The following UACA variants were observed in gnomAD, a reference collection of about 807,000 sequenced individuals.
UACA encodes uveal autoantigen with coiled-coil domains and ankyrin repeats.
Under a neutral mutation model 160.5 loss-of-function variants are expected in UACA, and 112 were observed. The observed-to-expected ratio is 0.70, with a 90% confidence interval of 0.60 to 0.82. The LOEUF (loss-of-function observed/expected upper bound fraction) is 0.82. UACA is among the 40% of genes least tolerant of loss of function. The pLI, the probability that UACA is intolerant of heterozygous loss-of-function variation, is 0.00. For missense variants in UACA, 1,574 were observed against 1,614.6 expected (o/e 0.97, Z 0.43); for synonymous variants, 557 against 568.4 (o/e 0.98, Z 0.29).
chr15:70,660,256 T>G (rs779355863), intron 17 of UACA, 40 bp from the exon 18 acceptor site: 1 of 1,564,948 alleles, frequency 6.4e-7, no homozygotes, highest in Non-Finnish European at 8.8e-7. Flanking sequence ...ACTATCAGCG[T>G]TCACATTTCC....
chr15:70,721,292 T>G (rs1898983796), intron 1 of UACA, among the ~76,000 whole-genome samples: 6 of 152,038 alleles, frequency 3.9e-5, no homozygotes, highest in Admixed American at 3.9e-4. Flanking sequence ...GATAAATCAG[T>G]TCAGTTTGGT....
chr15:70,692,536 C>T (rs80161694), intron 3 of UACA, among the ~76,000 whole-genome samples: 2,356 of 152,244 alleles, frequency 0.015, 62 homozygotes, highest in African/African-American at 0.053. Flanking sequence ...TTTGAGAGGC[C>T]TAGGCAGGTG....
chr15:70,747,311 T>C (rs1159165905), intron 1 of UACA, among the ~76,000 whole-genome samples: 2 of 150,380 alleles, frequency 1.3e-5, no homozygotes, highest in African/African-American at 4.9e-5. Flanking sequence ...TGGCGTTATC[T>C]TGGCTCACTA....
intron 16 of UACA, among the ~76,000 whole-genome samples, chr15:70,665,323 C>T (rs1054843206): frequency 6.6e-6 from 1 of 152,122 alleles, no homozygotes; most frequent in African/African-American, 2.4e-5. Flanking sequence ...TAGGAAGTGC[C>T]TAGAAACATA....
At chr15:70,705,743 A>C (rs1381847092) in intron 1 of UACA, among the ~76,000 whole-genome samples, 1 of 152,082 alleles carries the variant, frequency 6.6e-6, no homozygotes, top group Non-Finnish European at 1.5e-5. Flanking sequence ...TTAACCTATA[A>C]ATTAAAAGTG....
chr15:70,767,070 C>T (rs1406457435), upstream of UACA, among the ~76,000 whole-genome samples: 5 of 151,526 alleles, frequency 3.3e-5, no homozygotes, highest in South Asian at 8.3e-4. Context: ...GAAACCCCGT[C>T]TCCACTAAAA....
chr15:70,740,300 T>C (rs1899489641), intron 1 of UACA, among the ~76,000 whole-genome samples: 1 of 152,146 alleles, frequency 6.6e-6, no homozygotes. Context: ...TAAAGTCATA[T>C]ATACAAGAAC....
At chr15:70,690,572 G>A in intron 4 of UACA, 61 bp from the exon 5 acceptor site, 7 of 1,289,492 alleles carry the variant, frequency 5.4e-6, no homozygotes, top group Non-Finnish European at 7.8e-6. Flanking sequence ...TAGATATCCA[G>A]ACTCAGATGA....
chr15:70,658,218 G>C (rs148557108), intron 18 of UACA, among the ~76,000 whole-genome samples: 1 of 152,010 alleles, frequency 6.6e-6, no homozygotes, highest in Non-Finnish European at 1.5e-5. Context: ...TCTTTCCCTT[G>C]AGCTACCCAA....
chr15:70,691,810 G>A (rs1897948385), intron 3 of UACA, among the ~76,000 whole-genome samples: 1 of 152,198 alleles, frequency 6.6e-6, no homozygotes, highest in South Asian at 2.1e-4. Context: ...GTAAGGCATA[G>A]AAAGGGTATT....
At chr15:70,760,246 TAGA>T (rs777119365) in intron 1 of UACA, among the ~76,000 whole-genome samples, 46 of 151,686 alleles carry the variant, frequency 3.0e-4, no homozygotes, top group Non-Finnish European at 5.2e-4. Context: ...GAAAAAAAAC[TAGA>T]AGAAAGTTGG....
chr15:70,688,551 G>A (rs1043240245), intron 5 of UACA, among the ~76,000 whole-genome samples: 9 of 151,848 alleles, frequency 5.9e-5, no homozygotes, highest in African/African-American at 2.2e-4. Context: ...TTCACTTTTC[G>A]TCTCTAATCC....
At chr15:70,755,685 AAAAG>A (rs1270157550) in intron 1 of UACA, among the ~76,000 whole-genome samples, 2 of 151,916 alleles carry the variant, frequency 1.3e-5, no homozygotes, top group East Asian at 1.9e-4. Flanking sequence ...ATAAAAAAAA[AAAAG>A]AATGAATGAA....
chr15:70,774,829 G>A, the UACA span, among the ~76,000 whole-genome samples: 1 of 152,032 alleles, frequency 6.6e-6, no homozygotes, highest in East Asian at 1.9e-4. Context: ...CAAGGTGGGG[G>A]GATTACTTCA....
At chr15:70,660,122 T>C (rs772159488) in intron 18 of UACA, 29 bp downstream of exon 18, 1 of 1,568,766 alleles carries the variant, frequency 6.4e-7, no homozygotes, top group Non-Finnish European at 8.7e-7. Flanking sequence ...TAAAGCAATA[T>C]TCTTTCCAAA....
chr15:70,699,797 C>A, intron 1 of UACA, 137 bp from the exon 2 acceptor site: 2 of 955,116 alleles, frequency 2.1e-6, no homozygotes, highest in Non-Finnish European at 3.0e-6. Flanking sequence ...AAATTTCCTT[C>A]TCCCTTCTGT....
At chr15:70,743,406 A>T (rs1468998067) in intron 1 of UACA, among the ~76,000 whole-genome samples, 2 of 152,258 alleles carry the variant, frequency 1.3e-5, no homozygotes, top group Admixed American at 6.5e-5. Context: ...AGTCCTGGGG[A>T]TTCAGGTGGA....
intron 1 of UACA, 39 bp downstream of exon 1, chr15:70,763,291 C>G (rs1204122591): frequency 7.6e-7 from 1 of 1,316,978 alleles, no homozygotes. Context: ...GCGCTGCTCC[C>G]GGAGCGGAGC....
chr15:70,687,864 G>C (rs759940802), intron 5 of UACA, 44 bp from the exon 6 acceptor site: 1 of 1,582,216 alleles, frequency 6.3e-7, no homozygotes. Context: ...ACATCTGTTG[G>C]TAAGACACAT....
Sources: gnomAD v4.1 joint callset for allele counts (sites outside exome capture counted in the v4.1 genomes callset) on GRCh38, gnomAD v4.1.1 for gene constraint, MANE v1.5 for transcripts, NCBI Gene and HGNC (gene_info 2026-07-23, HGNC 2026-07-21) for gene names.